CACNA1S: variants seen among roughly 807,000 people sequenced by gnomAD.
The protein encoded by CACNA1S is voltage-dependent L-type calcium channel subunit alpha-1S.
A neutral mutation model predicts 207.4 loss-of-function variants in CACNA1S; 126 were observed. That is an observed-to-expected ratio of 0.61 (90% CI 0.53 to 0.70). CACNA1S has a LOEUF of 0.70. CACNA1S is among the 30% of genes least tolerant of loss of function. The pLI, the probability that CACNA1S is intolerant of heterozygous loss-of-function variation, is 0.00. For missense variants in CACNA1S, 2,349 were observed against 2,422.8 expected (o/e 0.97, Z 0.64); for synonymous variants, 960 against 932.7 (o/e 1.03, Z -0.53).
intron 11 of CACNA1S, 88 bp from the exon 12 acceptor site, chr1:201,077,215 G>T: frequency 8.9e-7 from 1 of 1,120,314 alleles, no homozygotes; most frequent in South Asian, 1.3e-5. Context: ...GAAAGACTCA[G>T]GACTGATGTG....
Position 201,039,992 on chromosome 1 carries a change from C to T in CACNA1S, c.5461G>A (p.Glu1821Lys), listed in dbSNP as rs1461513899. 1 of 1,614,138 alleles carries T rather than the reference C, an allele frequency of 6.2e-7. No homozygotes were observed. Among genetic ancestry groups the T allele is most frequent in the East Asian group, 2.2e-5 (1 of 44,898 alleles). The part of the protein sequence containing the change: ...GQALADACQM[E>K]PEEVEIMATE... ...GCCATGATCTCCACTTCCTCTGGTT[C>T]CATTTGGCAGGCATCTGCCAGGGCC... Residue 1821 changes from glutamate (E) to lysine (K), a missense_variant, in exon 44 of 44, where the codon GAA (glutamate) becomes AAA (lysine). Glu to Lys is a moderately conservative substitution (Grantham distance 56, BLOSUM62 1). Coordinates refer to ENST00000362061, the MANE Select transcript of CACNA1S (RefSeq NM_000069.3).
intron 5 of CACNA1S, among the ~76,000 whole-genome samples, chr1:201,090,262 C>A (rs541796355): frequency 8.5e-5 from 13 of 152,304 alleles, no homozygotes; most frequent in African/African-American, 3.1e-4. Context: ...CACTGCTGCT[C>A]AGCATTCCTC....
chr1:201,065,716 C>A (rs1661212108), intron 22 of CACNA1S, 122 bp downstream of exon 22: 1 of 728,836 alleles, frequency 1.4e-6, no homozygotes. Context: ...ATAAAATATT[C>A]TCATATGGAA....
At position 201,089,273 on chromosome 1, in the gene CACNA1S, A is replaced by G; in HGVS notation, c.885T>C (p.Thr295=). The G allele has an allele frequency of 6.2e-7, 1 of 1,614,262 alleles. No homozygotes were observed. The highest frequency in any genetic ancestry group is 8.5e-7 in the Non-Finnish European group (1 of 1,180,034). Residue 295 remains threonine, a synonymous_variant, in exon 6 of 44, where the codon ACT becomes ACC. Coordinates refer to ENST00000362061, the MANE Select transcript of CACNA1S (RefSeq NM_000069.3). The part of the protein sequence containing the change: ...VYQCITMEGW[T]DVLYWVNDAI... ...CCAGACCCACCCAGTAAAGGACGTCAGTCCATCCCTCCATGGTAATGCACT... is the reference window on the plus strand; with the variant it reads ...CCAGACCCACCCAGTAAAGGACGTCGGTCCATCCCTCCATGGTAATGCACT...
rs1202697103 is a variant in CACNA1S at position 201,069,439 on chromosome 1, G to A, written c.2490+33C>T. The A allele has an allele frequency of 3.7e-6, 6 of 1,605,506 alleles. No individual in the cohort carries two copies. The African/African-American group carries it at 6.7e-5, about 18-fold the overall frequency. ...CAGACTGAGGCTGGAGGGGGCAGGG[G>A]TGCTGAGTGGCAGAGAGGGTGAAGC... is the stretch of plus-strand genomic sequence containing the variant. On this transcript the variant is annotated intron_variant, in intron 18 of 43. Transcript: ENST00000362061.
intron 37 of CACNA1S, 96 bp downstream of exon 37, chr1:201,047,429 G>A: frequency 7.9e-7 from 1 of 1,270,730 alleles, no homozygotes; most frequent in Non-Finnish European, 1.1e-6. Flanking sequence ...TGGAGGATCT[G>A]GTCCGTTCTC....
chr1:201,048,775 A>G, intron 35 of CACNA1S, 91 bp from the exon 36 acceptor site: 1 of 1,158,098 alleles, frequency 8.6e-7, no homozygotes, highest in Non-Finnish European at 1.3e-6. Context: ...CCGGGAGGGG[A>G]CGGGACACGA....
rs2274233 is a variant in CACNA1S at position 201,088,041 on chromosome 1, G to A, written c.901-112C>T. On this transcript the variant is annotated intron_variant, in intron 6 of 43. Transcript: ENST00000362061. ...GGGGACAAGGAGAGAAGCCACGCTG[G>A]GATATTGAGGGGACATTTTTCCTAA... is the stretch of plus-strand genomic sequence containing the variant. The A allele has an allele frequency of 1.1e-5, 8 of 739,248 alleles. No individual in the cohort carries two copies. In the East Asian group the frequency reaches 1.9e-4, roughly 17 times the overall value. The allele number at this position is 739,248 out of a possible 1,614,324, so 45.8% of individuals were successfully genotyped here.
chr1:201,069,662 C>G lies in CACNA1S; in HGVS notation c.2361-61G>C, dbSNP rs565936474. On this transcript the variant is annotated intron_variant, in intron 17 of 43. Coordinates refer to ENST00000362061, the MANE Select transcript of CACNA1S (RefSeq NM_000069.3). ...GAGCTGCTGGAGGCTCAGGCCTCATCAGCCTCCATCCTGCGGACGAACATG... is the reference window on the plus strand; with the variant it reads ...GAGCTGCTGGAGGCTCAGGCCTCATGAGCCTCCATCCTGCGGACGAACATG... 586 of 1,541,536 alleles carry G rather than the reference C, an allele frequency of 3.8e-4. 7 individuals carry two copies. The South Asian group carries it at 6.5e-3, about 17-fold the overall frequency.
At chr1:201,079,599 G>A (rs918472306) in intron 10 of CACNA1S, among the ~76,000 whole-genome samples, 6 of 124,572 alleles carry the variant, frequency 4.8e-5, no homozygotes, top group South Asian at 2.8e-4. Flanking sequence ...ATCGCAGAGC[G>A]CTTTGACCGC....
intron 2 of CACNA1S, among the ~76,000 whole-genome samples, chr1:201,103,940 C>T (rs1178252954): frequency 6.6e-6 from 1 of 152,252 alleles, no homozygotes. Context: ...GGAAGCCACC[C>T]TGCAGCCCAG....
intron 2 of CACNA1S, among the ~76,000 whole-genome samples, chr1:201,101,195 C>T (rs1470603308): frequency 1.3e-5 from 2 of 152,214 alleles, no homozygotes; most frequent in African/African-American, 4.8e-5. Context: ...AAATTCTTAT[C>T]TTCTCTGCCA....
chr1:201,098,615 G>A (rs949268454), intron 2 of CACNA1S, among the ~76,000 whole-genome samples: 3 of 152,172 alleles, frequency 2.0e-5, no homozygotes, highest in African/African-American at 4.8e-5. Flanking sequence ...TATGTTTGTT[G>A]AATAAATGAA....
chr1:201,061,219 A>G, intron 25 of CACNA1S, 48 bp downstream of exon 25: 1 of 1,522,652 alleles, frequency 6.6e-7, no homozygotes, highest in Non-Finnish European at 9.1e-7. Context: ...GGCCAGCAGG[A>G]GGCCTGCTGG....
chr1:201,050,256 C>G (rs991238520), intron 34 of CACNA1S, 133 bp downstream of exon 34: 1 of 1,005,192 alleles, frequency 9.9e-7, no homozygotes, highest in African/African-American at 1.6e-5. Context: ...ATTCTCTGAT[C>G]TGAGACCTCA....
intron 25 of CACNA1S, 146 bp downstream of exon 25, chr1:201,061,121 T>C: frequency 1.4e-6 from 1 of 728,364 alleles, no homozygotes. Flanking sequence ...GGAGATAGGG[T>C]AGGGTGCATG....
At chr1:201,100,647 C>T (rs1406474700) in intron 2 of CACNA1S, among the ~76,000 whole-genome samples, 1 of 152,158 alleles carries the variant, frequency 6.6e-6, no homozygotes, top group Non-Finnish European at 1.5e-5. Flanking sequence ...CACACCAGGG[C>T]TGACTAGACA....
chr1:201,105,412 A>G (rs1354028414), intron 2 of CACNA1S, among the ~76,000 whole-genome samples: 1 of 152,216 alleles, frequency 6.6e-6, no homozygotes, highest in African/African-American at 2.4e-5. Context: ...CCCATTTTAT[A>G]AAGGAGGAAA....
At chr1:201,081,852 T>C (rs1411947356) in intron 10 of CACNA1S, among the ~76,000 whole-genome samples, 1 of 152,186 alleles carries the variant, frequency 6.6e-6, no homozygotes, top group African/African-American at 2.4e-5. Flanking sequence ...TTTCTCTCTC[T>C]TGCTCCTGCT....
Sources: allele counts gnomAD v4.1 joint callset (sites outside exome capture counted in the v4.1 genomes callset), GRCh38; gene constraint gnomAD v4.1.1; transcripts MANE v1.5; gene names NCBI Gene and HGNC (gene_info 2026-07-23, HGNC 2026-07-21).